Variants in PCDHA5 observed in about 807,000 individuals in gnomAD.
The protein encoded by PCDHA5 is protocadherin alpha-5.
A neutral mutation model predicts 61.6 loss-of-function variants in PCDHA5; 43 were observed. That is an observed-to-expected ratio of 0.70 (90% CI 0.55 to 0.90). The LOEUF (loss-of-function observed/expected upper bound fraction) is 0.90. Ranked by LOEUF, PCDHA5 falls within the 40% of genes least tolerant of loss-of-function variation. The probability of loss-of-function intolerance (pLI) is 0.00; values close to 1 mark genes in which losing one functional copy is unlikely to be tolerated. For synonymous variants in PCDHA5, 627 were observed against 543.9 expected (o/e 1.15, Z -2.13); for missense variants, 1,298 against 1,222.7 (o/e 1.06, Z -0.92).
intron 2 of PCDHA5, among the ~76,000 whole-genome samples, chr5:140,980,905 A>G (rs182283088): frequency 1.5e-4 from 23 of 152,274 alleles, no homozygotes; most frequent in Admixed American, 1.4e-3. Context: ...ACATCATGTA[A>G]CTATTCTTTA....
chr5:140,915,517 G>T (rs982535213), intron 1 of PCDHA5, among the ~76,000 whole-genome samples: 17 of 152,066 alleles, frequency 1.1e-4, no homozygotes, highest in African/African-American at 4.1e-4. Flanking sequence ...TTGCAGACTA[G>T]TAGAGGTACC....
At chr5:140,848,405 C>A in intron 1 of PCDHA5, 12 of 1,329,950 alleles carry the variant, frequency 9.0e-6, no homozygotes, top group Non-Finnish European at 1.3e-5. Flanking sequence ...TGAACGATGG[C>A]GAACACAGCA....
In PCDHA5 at chr5:141,012,021, A is replaced by T. The variant is rs1428323351; in HGVS notation, c.*2084A>T. 6.5e-6 allele frequency: 1 copy of T among 153,734 alleles called. No individual in the cohort carries two copies. The highest frequency in any genetic ancestry group is 1.5e-5 in the Non-Finnish European group (1 of 68,044). 9.5% of individuals were successfully genotyped at this position (153,734 alleles called of 1,614,324 possible). The stretch of plus-strand genomic sequence containing the variant: ...CATATTTTGAAGGGTGTGTAACTTC[A>T]GCTCTGCAGGATTGCATGGGGTAAA... On this transcript the variant is annotated 3_prime_UTR_variant, in exon 4 of 4. Transcript: ENST00000529859.
Position 140,857,729 on chromosome 5 carries a change from G to T in PCDHA5, c.2352+33602G>T, listed in dbSNP as rs782508750. 3 of 1,597,292 alleles carry T rather than the reference G, an allele frequency of 1.9e-6. No homozygotes were observed. In the East Asian group the frequency reaches 6.7e-5, roughly 36 times the overall value. On this transcript the variant is annotated intron_variant, in intron 1 of 3. Coordinates refer to ENST00000529859, the MANE Select transcript of PCDHA5 (RefSeq NM_018908.3). ...GTTCGTGCTGGACGAGAACGACAACGCTCCCGCGCTGCTGGCGTCTCCCGC... is the reference window on the plus strand; with the variant it reads ...GTTCGTGCTGGACGAGAACGACAACTCTCCCGCGCTGCTGGCGTCTCCCGC...
At chr5:140,858,403 A>T (rs1554151554) in intron 1 of PCDHA5, 1 of 1,569,204 alleles carries the variant, frequency 6.4e-7, no homozygotes. Context: ...TGGACGGGGA[A>T]GATCAGTCTA....
chr5:140,928,280 C>A, intron 1 of PCDHA5: 1 of 1,614,194 alleles, frequency 6.2e-7, no homozygotes, highest in Non-Finnish European at 8.5e-7. Context: ...CCTGGGGCCT[C>A]TCTAGGCCGA....
chr5:140,846,894 A>G (rs2150395518), intron 1 of PCDHA5, among the ~76,000 whole-genome samples: 1 of 149,832 alleles, frequency 6.7e-6, no homozygotes, highest in South Asian at 2.1e-4. Flanking sequence ...AATGACGTTG[A>G]AGTTGAAAGA....
chr5:140,919,649 T>G (rs1252944920), intron 1 of PCDHA5, among the ~76,000 whole-genome samples: 1 of 152,202 alleles, frequency 6.6e-6, no homozygotes, highest in Non-Finnish European at 1.5e-5. Flanking sequence ...TTCTCTAGAG[T>G]TTACCATATA....
intron 1 of PCDHA5, among the ~76,000 whole-genome samples, chr5:140,901,404 G>C (rs1047085666): frequency 6.6e-6 from 1 of 152,166 alleles, no homozygotes; most frequent in East Asian, 1.9e-4. Flanking sequence ...GTGAGAGATA[G>C]GGGTCTAGTT....
intron 1 of PCDHA5, among the ~76,000 whole-genome samples, chr5:140,846,211 C>T (rs1393164051): frequency 6.7e-6 from 1 of 149,252 alleles, no homozygotes; most frequent in Non-Finnish European, 1.5e-5. Flanking sequence ...GAGATCTTTC[C>T]ATTAATAGTA....
chr5:140,890,069 A>C (rs1554184149), intron 1 of PCDHA5, among the ~76,000 whole-genome samples: 1 of 152,204 alleles, frequency 6.6e-6, no homozygotes, highest in Non-Finnish European at 1.5e-5. Flanking sequence ...TTACTGGCTT[A>C]TGAGAACTGA....
At chr5:140,829,946 C>A in intron 1 of PCDHA5, 1 of 1,613,986 alleles carries the variant, frequency 6.2e-7, no homozygotes, top group East Asian at 2.2e-5. Flanking sequence ...AAGCAGCGCT[C>A]GCTTCCCGTT....
At chr5:140,870,388 G>A (rs1487402100) in intron 1 of PCDHA5, 5 of 1,614,232 alleles carry the variant, frequency 3.1e-6, no homozygotes, top group Non-Finnish European at 4.2e-6. Context: ...TGCGCGGGAT[G>A]GGGGTTCGCC....
chr5:140,913,164 T>C (rs1211762965), intron 1 of PCDHA5, among the ~76,000 whole-genome samples: 1 of 152,208 alleles, frequency 6.6e-6, no homozygotes, highest in Non-Finnish European at 1.5e-5. Flanking sequence ...GGATTGGTAT[T>C]AGTTCTTCTT....
chr5:140,857,393 G>T, intron 1 of PCDHA5: 1 of 1,598,492 alleles, frequency 6.3e-7, no homozygotes, highest in South Asian at 1.1e-5. Context: ...CGACGTGAAC[G>T]ACAACGCGCC....
chr5:140,826,596 G>T (rs1234934565), intron 1 of PCDHA5, among the ~76,000 whole-genome samples: 1 of 152,084 alleles, frequency 6.6e-6, no homozygotes, highest in Non-Finnish European at 1.5e-5. Context: ...TAACATTAAG[G>T]TTAAATTAAG....
At chr5:140,861,560 C>T in intron 1 of PCDHA5, 2 of 391,164 alleles carry the variant, frequency 5.1e-6, no homozygotes, top group African/African-American at 2.1e-5. Flanking sequence ...TGATCGTGGA[C>T]AAGCTGCTAC....
At chr5:140,966,259 G>C (rs1358322921) in intron 1 of PCDHA5, 1 of 340,612 alleles carries the variant, frequency 2.9e-6, no homozygotes, top group Non-Finnish European at 5.3e-6. Context: ...AGACGGTGGA[G>C]ACTGGATGAA....
chr5:140,995,113 A>T (rs560699104), intron 3 of PCDHA5, among the ~76,000 whole-genome samples: 1 of 152,370 alleles, frequency 6.6e-6, no homozygotes, highest in East Asian at 1.9e-4. Flanking sequence ...CAAGACCCTC[A>T]GTGGATGCCT....
Sources: allele counts gnomAD v4.1 joint callset (sites outside exome capture counted in the v4.1 genomes callset), GRCh38; gene constraint gnomAD v4.1.1; transcripts MANE v1.5; gene names NCBI Gene and HGNC (gene_info 2026-07-23, HGNC 2026-07-21).